STOX2: variants seen among roughly 807,000 people sequenced by gnomAD.
The protein encoded by STOX2 is storkhead box 2, also known as storkhead-box protein 2.
Under a neutral mutation model 60.9 loss-of-function variants are expected in STOX2, and 28 were observed. The ratio of observed to expected loss-of-function variants is 0.46; its 90% CI spans 0.34 to 0.63. The LOEUF (loss-of-function observed/expected upper bound fraction) is 0.63, where lower values mean the gene tolerates loss of function less well. Among genes scored for constraint, STOX2 ranks in the 30% least tolerant of loss-of-function variants. STOX2 has a pLI of 0.01. For synonymous variants in STOX2, 472 were observed against 463.9 expected (o/e 1.02, Z -0.22); for missense variants, 1,024 against 1,187.7 (o/e 0.86, Z 2.03).
At position 184,018,306 on chromosome 4, in the gene STOX2, G is replaced by A. The variant is rs1446223938; in HGVS notation, c.*1022G>A. 1.3e-5 allele frequency: 2 copies of A among 152,216 alleles called. No homozygotes were observed. Among genetic ancestry groups the A allele is most frequent in the Non-Finnish European group, 2.9e-5 (2 of 68,042 alleles). 9.4% of individuals were successfully genotyped at this position (152,216 alleles called of 1,614,324 possible). ...GAAGGACATAAATCTATTTTATGTA[G>A]TTTTAAATAGAATGCCTAAATTAGG... On this transcript the variant is annotated 3_prime_UTR_variant, in exon 4 of 4. Transcript: ENST00000308497.
At chr4:183,800,571 C>T (rs559858376) in intron 1 of STOX2, among the ~76,000 whole-genome samples, 107 of 152,300 alleles carry the variant, frequency 7.0e-4, no homozygotes, top group Non-Finnish European at 1.4e-3. Flanking sequence ...GCATATGAAA[C>T]GGCCATAGAG....
chr4:183,928,207 T>C (rs2111110428), intron 1 of STOX2, among the ~76,000 whole-genome samples: 1 of 70,274 alleles, frequency 1.4e-5, no homozygotes, highest in East Asian at 2.3e-4. Flanking sequence ...TGGGTGAGGA[T>C]GGGGAGCCCT....
chr4:183,982,482 A>G (rs1212882895), intron 1 of STOX2, among the ~76,000 whole-genome samples: 1 of 152,162 alleles, frequency 6.6e-6, no homozygotes, highest in East Asian at 1.9e-4. Flanking sequence ...TTGAGTTTTT[A>G]ATTTGTGTCT....
chr4:183,994,512 T>A (rs1733248933), intron 1 of STOX2, among the ~76,000 whole-genome samples: 1 of 152,160 alleles, frequency 6.6e-6, no homozygotes. Context: ...TAAAATAGTG[T>A]CCCCAGCGTG....
rs1437641854 is a variant in STOX2 at position 184,020,541 on chromosome 4, TC to T, written c.*3258del. Reference sequence around the variant, plus strand: ...GCTTGAAGCACTTCGGGCTCTGCCTTCACTCGCATGCTACCATGTCGAGCCC... The same window carrying T: ...GCTTGAAGCACTTCGGGCTCTGCCTTACTCGCATGCTACCATGTCGAGCCC... On this transcript the variant is annotated 3_prime_UTR_variant, in exon 4 of 4. Coordinates refer to ENST00000308497, the MANE Select transcript of STOX2 (RefSeq NM_020225.3). 3 of 152,200 alleles carry T rather than the reference TC, an allele frequency of 2.0e-5. No homozygotes were observed. Among genetic ancestry groups the T allele is most frequent in the African/African-American group, 7.2e-5 (3 of 41,444 alleles). 9.4% of individuals were successfully genotyped at this position (152,200 alleles called of 1,614,324 possible). A position where few individuals can be genotyped will look rare whatever the true frequency, so the allele number is the denominator to read the frequency against.
intron 1 of STOX2, among the ~76,000 whole-genome samples, chr4:183,897,208 C>CA: frequency 6.6e-6 from 1 of 152,344 alleles, no homozygotes; most frequent in East Asian, 1.9e-4. Context: ...TTTGGTGACT[C>CA]AAATCAACTA....
intron 1 of STOX2, among the ~76,000 whole-genome samples, chr4:183,895,314 T>C (rs996619048): frequency 6.6e-6 from 1 of 152,238 alleles, no homozygotes. Flanking sequence ...ATGAGGGACA[T>C]GAAGTAGATA....
At chr4:183,882,556 A>C (rs1024512006) in intron 1 of STOX2, among the ~76,000 whole-genome samples, 1 of 152,236 alleles carries the variant, frequency 6.6e-6, no homozygotes, top group African/African-American at 2.4e-5. Flanking sequence ...GGTCAATGTC[A>C]GATTAATATC....
chr4:184,009,224 T>G lies in STOX2; in HGVS notation c.386T>G (p.Ile129Ser). ...TLNTLVRERK[I>S]YPTPDGYFIV... ...AACACGCTGGTACGGGAGAGGAAGA[T>G]CTACCCAACTCCAGATGGCTACTTC... is the stretch of plus-strand genomic sequence containing the variant. Residue 129 changes from isoleucine (I) to serine (S), a missense_variant, in exon 3 of 4, where the codon ATC becomes AGC. This residue lies in a region of STOX2 where 922 missense variants were observed against 1,058.3 expected (regional missense o/e 0.87). Coordinates refer to ENST00000308497, the MANE Select transcript of STOX2 (RefSeq NM_020225.3). This position sits in a 1 kb window ranked among gnomAD's most constrained non-coding sequence, Gnocchi z 4.0. The G allele has an allele frequency of 6.5e-7, 1 of 1,536,424 alleles. No individual in the cohort carries two copies. Among genetic ancestry groups the G allele is most frequent in the Non-Finnish European group, 8.9e-7 (1 of 1,129,880 alleles).
At chr4:183,838,935 T>C (rs1739780753) in intron 1 of STOX2, among the ~76,000 whole-genome samples, 1 of 152,190 alleles carries the variant, frequency 6.6e-6, no homozygotes, top group African/African-American at 2.4e-5. Flanking sequence ...CATTTGAGAA[T>C]CACTGATTGT....
chr4:183,959,317 C>A (rs1386165504), intron 1 of STOX2, among the ~76,000 whole-genome samples: 1 of 152,120 alleles, frequency 6.6e-6, no homozygotes, highest in Non-Finnish European at 1.5e-5. Context: ...TTAGGAAGGT[C>A]TAACTCAGGG....
chr4:183,904,793 C>G (rs908956078), upstream of STOX2, among the ~76,000 whole-genome samples: 5 of 152,198 alleles, frequency 3.3e-5, no homozygotes, highest in Non-Finnish European at 7.3e-5. Context: ...TTGCTACCCC[C>G]CTCAAATAAT....
At chr4:183,861,673 G>A (rs75164884) in intron 1 of STOX2, among the ~76,000 whole-genome samples, 2,909 of 152,286 alleles carry the variant, frequency 0.019, 95 homozygotes, top group African/African-American at 0.066. Context: ...GGTGATTACC[G>A]GTAGGGATGT....
chr4:183,923,438 T>C (rs1742156831), intron 1 of STOX2, among the ~76,000 whole-genome samples: 2 of 152,286 alleles, frequency 1.3e-5, no homozygotes, highest in Admixed American at 1.3e-4. Flanking sequence ...CTCTGTGTTG[T>C]CTGCTGCACA....
chr4:183,909,512 A>AG (rs1741717894), intron 1 of STOX2, among the ~76,000 whole-genome samples: 1 of 152,200 alleles, frequency 6.6e-6, no homozygotes, highest in Non-Finnish European at 1.5e-5. Context: ...CTTGGGTTCA[A>AG]AGGACAAGAT....
intron 1 of STOX2, among the ~76,000 whole-genome samples, chr4:183,956,744 A>G (rs1286637424): frequency 1.3e-5 from 2 of 152,136 alleles, no homozygotes; most frequent in African/African-American, 4.8e-5. Flanking sequence ...TTATATTTAA[A>G]TTCCAAACTC....
chr4:183,800,618 C>A (rs1216556189), intron 1 of STOX2, among the ~76,000 whole-genome samples: 2 of 152,236 alleles, frequency 1.3e-5, no homozygotes, highest in Non-Finnish European at 2.9e-5. Context: ...AGGCGCATTA[C>A]ATTCCCACTT....
chr4:183,878,345 TTGTTTTTTGG>T (rs1290606923), intron 1 of STOX2, among the ~76,000 whole-genome samples: 4 of 152,368 alleles, frequency 2.6e-5, no homozygotes, highest in African/African-American at 9.6e-5. Context: ...TCATTATGTT[TTGTTTTTTGG>T]TGTTTTTTGA....
At chr4:183,891,296 A>G (rs1199093289) in intron 1 of STOX2, among the ~76,000 whole-genome samples, 1 of 8,020 alleles carries the variant, frequency 1.2e-4, no homozygotes, top group Non-Finnish European at 5.5e-4. Context: ...ATATGATGGA[A>G]TATATATATA....
Sources: gnomAD v4.1 joint callset for allele counts (sites outside exome capture counted in the v4.1 genomes callset) on GRCh38, gnomAD v4.1.1 for gene constraint, gnomAD v4.1.1 regional missense constraint, Gnocchi (gnomAD v3.1) non-coding constraint, MANE v1.5 for transcripts, NCBI Gene and HGNC (gene_info 2026-07-23, HGNC 2026-07-21) for gene names.